Variants in RANBP17 observed in about 807,000 individuals in gnomAD.
RANBP17 encodes RAN binding protein 17, also known as ran-binding protein 17.
In RANBP17, 158 loss-of-function variants were observed where a neutral mutation model predicts 141.2. The observed-to-expected ratio is 1.12, with a 90% CI of 0.98 to 1.28. RANBP17 has a LOEUF of 1.28. Ranked by LOEUF, RANBP17 falls within the 50% of genes most tolerant of loss-of-function variation. RANBP17 has a pLI of 0.00. For synonymous variants in RANBP17, 430 were observed against 450.0 expected, an observed-to-expected ratio of 0.96 and a Z score of 0.56; for missense variants, 1,438 against 1,290.7, an observed-to-expected ratio of 1.11 and a Z score of -1.75.
chr5:171,269,806 C>T (rs1766977330), intron 25 of RANBP17, among the ~76,000 whole-genome samples: 2 of 152,148 alleles, frequency 1.3e-5, no homozygotes, highest in Admixed American at 6.5e-5. Flanking sequence ...GCATCTGTGT[C>T]GGTTAAGTAA....
chr5:170,920,393 C>T (rs1425868059), intron 11 of RANBP17, among the ~76,000 whole-genome samples: 1 of 152,012 alleles, frequency 6.6e-6, no homozygotes, highest in Non-Finnish European at 1.5e-5. Context: ...TTGTGGTTTT[C>T]CCTTAATGAC....
chr5:170,992,945 A>G (rs2127566695), intron 14 of RANBP17, among the ~76,000 whole-genome samples: 1 of 152,164 alleles, frequency 6.6e-6, no homozygotes, highest in South Asian at 2.1e-4. Flanking sequence ...CCCTTCACGT[A>G]ATTCTGATGC....
chr5:171,072,714 A>T (rs1374006233), intron 14 of RANBP17, among the ~76,000 whole-genome samples: 1 of 152,152 alleles, frequency 6.6e-6, no homozygotes, highest in Non-Finnish European at 1.5e-5. Context: ...AGTCAGTTTG[A>T]TAGTTTCTTA....
intron 25 of RANBP17, among the ~76,000 whole-genome samples, chr5:171,287,412 C>T (rs1453372810): frequency 6.6e-6 from 1 of 152,004 alleles, no homozygotes; most frequent in Non-Finnish European, 1.5e-5. Context: ...ATTGCTTGAA[C>T]CCCGGAGGCG....
At chr5:171,085,359 A>G in intron 14 of RANBP17, among the ~76,000 whole-genome samples, 1 of 113,962 alleles carries the variant, frequency 8.8e-6, no homozygotes, top group Non-Finnish European at 1.8e-5. Context: ...TGTTTTGGTT[A>G]CTGTAGCCTT....
At chr5:171,260,752 T>TAG (rs1160228575) in intron 24 of RANBP17, among the ~76,000 whole-genome samples, 1 of 152,034 alleles carries the variant, frequency 6.6e-6, no homozygotes, top group East Asian at 1.9e-4. Context: ...GGGTGTTGGA[T>TAG]AGAGAGTGTC....
At chr5:170,922,695 A>G (rs1371570875) in intron 11 of RANBP17, among the ~76,000 whole-genome samples, 1 of 152,138 alleles carries the variant, frequency 6.6e-6, no homozygotes, top group Non-Finnish European at 1.5e-5. Context: ...TTTGGTCAGA[A>G]GTGTACTGTT....
chr5:170,881,007 AG>A (rs1242173519), intron 2 of RANBP17, among the ~76,000 whole-genome samples: 2 of 152,242 alleles, frequency 1.3e-5, no homozygotes, highest in African/African-American at 4.8e-5. Context: ...AAGCAGCCAT[AG>A]GCAGTGTGTA....
chr5:171,069,904 G>A (rs57971647), intron 14 of RANBP17, among the ~76,000 whole-genome samples: 1,781 of 152,240 alleles, frequency 0.012, 32 homozygotes, highest in African/African-American at 0.041. Flanking sequence ...CTGTAGTGCT[G>A]TTGAAATCTA....
intron 14 of RANBP17, among the ~76,000 whole-genome samples, chr5:171,031,102 T>A (rs1002275372): frequency 2.0e-5 from 3 of 152,020 alleles, no homozygotes; most frequent in Non-Finnish European, 4.4e-5. Context: ...ACTTAAAAGA[T>A]CAGTTTTTAG....
At chr5:170,901,258 A>G (rs1770612718) in intron 5 of RANBP17, among the ~76,000 whole-genome samples, 1 of 152,198 alleles carries the variant, frequency 6.6e-6, no homozygotes. Context: ...CTTTAACATT[A>G]TGTAATGCCC....
intron 14 of RANBP17, among the ~76,000 whole-genome samples, chr5:171,042,293 A>G (rs1022920068): frequency 1.3e-5 from 2 of 152,034 alleles, no homozygotes; most frequent in Non-Finnish European, 2.9e-5. Flanking sequence ...ACCTAACTAT[A>G]TAGTTATATA....
intron 24 of RANBP17, among the ~76,000 whole-genome samples, chr5:171,260,531 A>C (rs1038709433): frequency 6.6e-6 from 1 of 151,924 alleles, no homozygotes; most frequent in East Asian, 1.9e-4. Flanking sequence ...GAGAGGATGA[A>C]GAGAAGTAGG....
chr5:170,983,206 G>A, intron 14 of RANBP17: 1 of 413,020 alleles, frequency 2.4e-6, no homozygotes, highest in South Asian at 2.5e-5. Flanking sequence ...CTGTGCCTCA[G>A]GCCTTGAGAG....
intron 5 of RANBP17, chr5:170,896,784 C>T (rs1184954189): frequency 7.1e-5 from 26 of 368,522 alleles, no homozygotes; most frequent in South Asian, 2.6e-4. Flanking sequence ...GAGCTGAGAT[C>T]GTGCCACTGC....
chr5:171,024,424 TAAC>T (rs1436775485), intron 14 of RANBP17, among the ~76,000 whole-genome samples: 1 of 152,168 alleles, frequency 6.6e-6, no homozygotes, highest in Non-Finnish European at 1.5e-5. Flanking sequence ...AGCTGCTTTG[TAAC>T]AATAATGGGA....
At chr5:170,999,851 A>G (rs1779079424) in intron 14 of RANBP17, among the ~76,000 whole-genome samples, 1 of 152,186 alleles carries the variant, frequency 6.6e-6, no homozygotes, top group Non-Finnish European at 1.5e-5. Context: ...CATCTCCAGA[A>G]GTCTTTTCAT....
intron 12 of RANBP17, among the ~76,000 whole-genome samples, chr5:170,934,475 C>T (rs1773684339): frequency 6.6e-6 from 1 of 152,168 alleles, no homozygotes; most frequent in Admixed American, 6.5e-5. Flanking sequence ...TTGTTCCTTT[C>T]CACGTTTAGT....
chr5:171,194,215 G>A (rs1177168067), intron 18 of RANBP17, among the ~76,000 whole-genome samples: 1 of 152,128 alleles, frequency 6.6e-6, no homozygotes, highest in Non-Finnish European at 1.5e-5. Flanking sequence ...AGATTCACAT[G>A]CCATAAAATT....
Sources: allele counts gnomAD v4.1 joint callset (sites outside exome capture counted in the v4.1 genomes callset), GRCh38; gene constraint gnomAD v4.1.1; transcripts MANE v1.5; gene names NCBI Gene and HGNC (gene_info 2026-07-23, HGNC 2026-07-21).